The following GRXCR1 variants were observed in gnomAD, a reference collection of about 807,000 sequenced individuals.
The protein encoded by GRXCR1 is glutaredoxin domain-containing cysteine-rich protein 1.
In GRXCR1, 27 loss-of-function variants were observed where a neutral mutation model predicts 27.3. That is an observed-to-expected ratio of 0.99 (90% confidence interval 0.73 to 1.37). The LOEUF is 1.37. GRXCR1 is among the 40% of genes most tolerant of loss of function. The probability of loss-of-function intolerance (pLI) is 0.00; values close to 1 mark genes in which losing one functional copy is unlikely to be tolerated. For missense variants in GRXCR1, 379 were observed against 354.4 expected (o/e 1.07, Z -0.56); for synonymous variants, 122 against 131.1 (o/e 0.93, Z 0.47).
chr4:43,027,455 T>C (rs938154390), intron 3 of GRXCR1, among the ~76,000 whole-genome samples: 1 of 152,244 alleles, frequency 6.6e-6, no homozygotes, highest in Non-Finnish European at 1.5e-5. Flanking sequence ...AATTTAACAT[T>C]TGATATTTTA....
At chr4:42,916,186 T>C (rs1170246086) in intron 1 of GRXCR1, among the ~76,000 whole-genome samples, 1 of 151,748 alleles carries the variant, frequency 6.6e-6, no homozygotes, top group Admixed American at 6.6e-5. Context: ...CAAGAAATAC[T>C]GGATGCAACT....
intron 2 of GRXCR1, among the ~76,000 whole-genome samples, chr4:42,975,648 A>C (rs536272391): frequency 2.0e-5 from 3 of 152,006 alleles, no homozygotes; most frequent in East Asian, 3.9e-4. Flanking sequence ...CCGTAGTCAC[A>C]CTCCATCATC....
intron 1 of GRXCR1, among the ~76,000 whole-genome samples, chr4:42,936,177 TA>T (rs1747454358): frequency 6.6e-6 from 1 of 151,846 alleles, no homozygotes; most frequent in Admixed American, 6.6e-5. Flanking sequence ...ATATAAATAT[TA>T]GAAAATGAGA....
intron 1 of GRXCR1, among the ~76,000 whole-genome samples, chr4:42,961,646 C>G (rs1452891018): frequency 6.6e-6 from 1 of 151,984 alleles, no homozygotes; most frequent in East Asian, 1.9e-4. Context: ...TTCAACTTAA[C>G]CTCTACACTC....
chr4:42,932,733 G>A (rs911075802), intron 1 of GRXCR1, among the ~76,000 whole-genome samples: 2 of 149,184 alleles, frequency 1.3e-5, no homozygotes, highest in Non-Finnish European at 3.0e-5. Flanking sequence ...GTCCCAGAGA[G>A]TTTACAGGTT....
At chr4:42,921,412 G>A (rs1445157992) in intron 1 of GRXCR1, among the ~76,000 whole-genome samples, 3 of 152,064 alleles carry the variant, frequency 2.0e-5, no homozygotes, top group African/African-American at 7.2e-5. Context: ...TTTTCTCTAA[G>A]AGTCTTCTAA....
In GRXCR1 at chr4:43,030,479, C is replaced by T; in HGVS notation, c.812C>T (p.Ala271Val). 1.2e-6 allele frequency: 2 copies of T among 1,614,070 alleles called. No individual in the cohort carries two copies. The highest frequency in any genetic ancestry group is 1.7e-6 in the Non-Finnish European group (2 of 1,179,976). ...AACTGCTTCACAGACTCTTTCAAAG[C>T]CCTGAAGTGTACGGCTTGCAATGAA... ...FRNCFTDSFK[A>V]LKCTACNENG... The change falls in exon 4 of 4, where the codon GCC (alanine) becomes GTC (valine). Residue 271 changes from alanine (A) to valine (V), a missense_variant. Ala to Val is a moderately conservative substitution (Grantham distance 64). Coordinates refer to ENST00000399770, the MANE Select transcript of GRXCR1 (RefSeq NM_001080476.3).
chr4:42,893,507 CTGG>C lies in GRXCR1; in HGVS notation c.244_246del (p.Val82del). 1 of 1,613,832 alleles carries C rather than the reference CTGG, an allele frequency of 6.2e-7. No individual in the cohort carries two copies. The highest frequency in any genetic ancestry group is 8.5e-7 in the Non-Finnish European group (1 of 1,179,824). The stretch of plus-strand genomic sequence containing the variant: ...GAATGAGAATGACCAGGATAGCTTG[CTGG>C]TGTTAGCAAGGGCTGCCAGTGAGAA... On this transcript the variant is annotated inframe_deletion, in exon 1 of 4. Transcript: ENST00000399770.
chr4:43,025,224 A>G (rs1363185950), intron 3 of GRXCR1, among the ~76,000 whole-genome samples: 2 of 152,204 alleles, frequency 1.3e-5, no homozygotes, highest in African/African-American at 4.8e-5. Context: ...TGTTAGAGAC[A>G]CAATACATTT....
At chr4:42,951,498 T>A (rs1304251363) in intron 1 of GRXCR1, among the ~76,000 whole-genome samples, 2 of 152,186 alleles carry the variant, frequency 1.3e-5, no homozygotes, top group Non-Finnish European at 2.9e-5. Context: ...CTCAAATAAT[T>A]AAACTGAGTG....
chr4:42,917,623 G>A (rs6830507), intron 1 of GRXCR1, among the ~76,000 whole-genome samples: 29,876 of 152,000 alleles, frequency 0.2, 3,653 homozygotes, highest in Admixed American at 0.29. Flanking sequence ...TCAGGATGGA[G>A]GTACAGAGGG....
chr4:43,021,205 T>C (rs1713082828), intron 3 of GRXCR1, among the ~76,000 whole-genome samples: 1 of 152,194 alleles, frequency 6.6e-6, no homozygotes, highest in African/African-American at 2.4e-5. Flanking sequence ...GAAAGGACTA[T>C]GTGGCTTCTC....
At chr4:42,973,491 TA>T (rs533827132) in intron 2 of GRXCR1, among the ~76,000 whole-genome samples, 176 of 151,986 alleles carry the variant, frequency 1.2e-3, no homozygotes, top group African/African-American at 4.1e-3. Context: ...TTCTTGACAT[TA>T]AAAAAATACC....
At chr4:43,012,400 T>C (rs1712788904) in intron 2 of GRXCR1, among the ~76,000 whole-genome samples, 1 of 152,208 alleles carries the variant, frequency 6.6e-6, no homozygotes. Context: ...TCCCCTTGTT[T>C]TTTTCTATTA....
intron 1 of GRXCR1, among the ~76,000 whole-genome samples, chr4:42,911,421 A>C (rs1420519304): frequency 6.6e-6 from 1 of 152,162 alleles, no homozygotes; most frequent in African/African-American, 2.4e-5. Context: ...TAGAGATAAG[A>C]CACACATGTA....
chr4:42,986,370 T>C (rs1210985561), intron 2 of GRXCR1, among the ~76,000 whole-genome samples: 1 of 152,226 alleles, frequency 6.6e-6, no homozygotes, highest in Non-Finnish European at 1.5e-5. Context: ...TGCAGGAAAT[T>C]AACAAGGTTG....
At chr4:42,988,001 G>T (rs1711836299) in intron 2 of GRXCR1, among the ~76,000 whole-genome samples, 1 of 152,124 alleles carries the variant, frequency 6.6e-6, no homozygotes. Flanking sequence ...TCTTCTCATT[G>T]GGGTCCTCAG....
At chr4:43,023,695 A>G (rs1271100281) in intron 3 of GRXCR1, among the ~76,000 whole-genome samples, 1 of 152,092 alleles carries the variant, frequency 6.6e-6, no homozygotes, top group Non-Finnish European at 1.5e-5. Context: ...TTTATTATTT[A>G]CTTCTAGTGC....
intron 1 of GRXCR1, among the ~76,000 whole-genome samples, chr4:42,907,100 G>A (rs899154622): frequency 8.5e-5 from 13 of 152,156 alleles, no homozygotes; most frequent in African/African-American, 3.1e-4. Context: ...AAACAAGGTA[G>A]TCATCTTGGC....
Sources: gnomAD v4.1 joint callset for allele counts (sites outside exome capture counted in the v4.1 genomes callset) on GRCh38, gnomAD v4.1.1 for gene constraint, MANE v1.5 for transcripts, NCBI Gene and HGNC (gene_info 2026-07-23, HGNC 2026-07-21) for gene names.